The following KCNMB2 variants were observed in gnomAD, a reference collection of about 807,000 sequenced individuals.
KCNMB2 encodes calcium-activated potassium channel subunit beta-2.
KCNMB2 carries 9 observed loss-of-function variants against 24.5 expected under a neutral mutation model. That is an observed-to-expected ratio of 0.37 (90% CI 0.22 to 0.64). The LOEUF (loss-of-function observed/expected upper bound fraction) is 0.64. Ranked by LOEUF, KCNMB2 falls within the 30% of genes least tolerant of loss-of-function variation. The pLI is 0.63. For missense variants in KCNMB2, 226 were observed against 284.3 expected (o/e 0.79, Z 1.47); for synonymous variants, 109 against 104.4 (o/e 1.04, Z -0.27).
intron 1 of KCNMB2, among the ~76,000 whole-genome samples, chr3:178,633,138 A>G (rs1719383380): frequency 6.6e-6 from 1 of 152,082 alleles, no homozygotes; most frequent in Non-Finnish European, 1.5e-5. Context: ...AGCTCCTTTC[A>G]CAGGCTGGCA....
At chr3:178,789,611 G>A (rs1713243272) in intron 1 of KCNMB2, among the ~76,000 whole-genome samples, 2 of 152,210 alleles carry the variant, frequency 1.3e-5, no homozygotes, top group South Asian at 4.1e-4. Context: ...AGAGCACAGT[G>A]ATTGTGGGAC....
chr3:178,755,057 C>T (rs1250886486), intron 1 of KCNMB2, among the ~76,000 whole-genome samples: 1 of 152,204 alleles, frequency 6.6e-6, no homozygotes, highest in East Asian at 1.9e-4. Flanking sequence ...GCTCCCCTAC[C>T]GCATCTAGGA....
chr3:178,835,779 T>C (rs1197220578), intron 4 of KCNMB2, among the ~76,000 whole-genome samples: 4 of 152,126 alleles, frequency 2.6e-5, no homozygotes, highest in Non-Finnish European at 5.9e-5. Flanking sequence ...TAAGGAGTTT[T>C]TACAGTACAT....
chr3:178,706,470 G>C (rs138303766), intron 1 of KCNMB2, among the ~76,000 whole-genome samples: 1 of 151,996 alleles, frequency 6.6e-6, no homozygotes, highest in Non-Finnish European at 1.5e-5. Flanking sequence ...GAAGGTCCAC[G>C]CTATTTCCCA....
At chr3:178,740,506 A>G (rs545595206) in intron 1 of KCNMB2, among the ~76,000 whole-genome samples, 58 of 152,238 alleles carry the variant, frequency 3.8e-4, no homozygotes, top group Non-Finnish European at 6.9e-4. Context: ...TGCATCCACT[A>G]TAAATAAGAA....
intron 1 of KCNMB2, among the ~76,000 whole-genome samples, chr3:178,708,314 T>C (rs1214659866): frequency 1.3e-5 from 2 of 152,108 alleles, no homozygotes; most frequent in Non-Finnish European, 2.9e-5. Flanking sequence ...TAATATGTAA[T>C]AATGATAATG....
intron 4 of KCNMB2, among the ~76,000 whole-genome samples, chr3:178,840,443 G>T (rs1326162017): frequency 6.6e-6 from 1 of 152,192 alleles, no homozygotes; most frequent in Non-Finnish European, 1.5e-5. Context: ...GCCCCAGTGG[G>T]GATTCTGTGT....
intron 1 of KCNMB2, among the ~76,000 whole-genome samples, chr3:178,541,497 T>C (rs1715617312): frequency 6.6e-6 from 1 of 152,182 alleles, no homozygotes; most frequent in Non-Finnish European, 1.5e-5. Flanking sequence ...ATTTACACTT[T>C]CAAAATCAGC....
chr3:178,539,322 A>G (rs1715536896), intron 1 of KCNMB2, among the ~76,000 whole-genome samples: 1 of 152,218 alleles, frequency 6.6e-6, no homozygotes, highest in Non-Finnish European at 1.5e-5. Context: ...ATATGTGTGT[A>G]TGAAAAAAAC....
At chr3:178,820,885 G>A (rs1714598645) in intron 2 of KCNMB2, among the ~76,000 whole-genome samples, 3 of 152,198 alleles carry the variant, frequency 2.0e-5, no homozygotes, top group Admixed American at 2.0e-4. Flanking sequence ...AGTAAAGACT[G>A]CACATATCTA....
chr3:178,558,036 G>T (rs533058111), intron 1 of KCNMB2, among the ~76,000 whole-genome samples: 15 of 152,228 alleles, frequency 9.9e-5, no homozygotes, highest in African/African-American at 3.6e-4. Context: ...AAGAAAATCT[G>T]TAAATTGGTT....
chr3:178,767,306 A>C (rs1712163509), intron 1 of KCNMB2, among the ~76,000 whole-genome samples: 1 of 152,222 alleles, frequency 6.6e-6, no homozygotes, highest in Non-Finnish European at 1.5e-5. Context: ...GAAATAATAT[A>C]CACAAATGGT....
intron 1 of KCNMB2, among the ~76,000 whole-genome samples, chr3:178,671,921 G>T (rs1316285664): frequency 1.3e-5 from 2 of 152,148 alleles, no homozygotes; most frequent in African/African-American, 4.8e-5. Context: ...CAGGGACACT[G>T]CATTTCCTGG....
intron 4 of KCNMB2, among the ~76,000 whole-genome samples, chr3:178,838,505 AT>A (rs1459670449): frequency 1.3e-5 from 2 of 151,702 alleles, no homozygotes; most frequent in Non-Finnish European, 2.9e-5. Context: ...CTCATCCTCC[AT>A]TCTTAACTAA....
chr3:178,610,792 A>T (rs904947521), intron 1 of KCNMB2, among the ~76,000 whole-genome samples: 1 of 152,222 alleles, frequency 6.6e-6, no homozygotes, highest in Admixed American at 6.5e-5. Flanking sequence ...TTTGAATAGA[A>T]TCCTTGTCGT....
intron 1 of KCNMB2, among the ~76,000 whole-genome samples, chr3:178,660,070 G>C (rs1720472036): frequency 6.6e-6 from 1 of 152,078 alleles, no homozygotes; most frequent in Non-Finnish European, 1.5e-5. Context: ...TGCAGCATGA[G>C]AGCCTCATAG....
At chr3:178,778,737 C>T (rs995583470) in intron 1 of KCNMB2, among the ~76,000 whole-genome samples, 10 of 152,168 alleles carry the variant, frequency 6.6e-5, no homozygotes, top group Admixed American at 5.2e-4. Flanking sequence ...GCTCTCCCTC[C>T]CTGTAGCACC....
chr3:178,591,804 G>A (rs956021264), intron 1 of KCNMB2, among the ~76,000 whole-genome samples: 11 of 152,042 alleles, frequency 7.2e-5, no homozygotes, highest in African/African-American at 1.7e-4. Context: ...TGAACCCCTG[G>A]GATTCTGATG....
chr3:178,572,927 C>A (rs763372425), intron 1 of KCNMB2, among the ~76,000 whole-genome samples: 5 of 152,074 alleles, frequency 3.3e-5, no homozygotes, highest in Non-Finnish European at 7.3e-5. Flanking sequence ...TAGGTTTTTT[C>A]ATTTATTTAC....
Sources: allele counts gnomAD v4.1 joint callset (sites outside exome capture counted in the v4.1 genomes callset), GRCh38; gene constraint gnomAD v4.1.1; transcripts MANE v1.5; gene names NCBI Gene and HGNC (gene_info 2026-07-23, HGNC 2026-07-21).